The following MORC1 variants were observed in gnomAD, a reference collection of about 807,000 sequenced individuals.
The protein encoded by MORC1 is MORC family CW-type zinc finger 1.
A neutral mutation model predicts 134.9 loss-of-function variants in MORC1; 59 were observed. The ratio of observed to expected loss-of-function variants is 0.44; its 90% CI spans 0.35 to 0.54. The LOEUF (loss-of-function observed/expected upper bound fraction) is 0.54, where lower values mean the gene tolerates loss of function less well. Ranked by LOEUF, MORC1 falls within the 20% of genes least tolerant of loss-of-function variation. The probability of loss-of-function intolerance (pLI) is 0.00; values close to 1 mark genes in which losing one functional copy is unlikely to be tolerated. For synonymous variants in MORC1, 395 were observed against 391.7 expected, an observed-to-expected ratio of 1.01 and a Z score of -0.10; for missense variants, 947 against 1,134.5, an observed-to-expected ratio of 0.83 and a Z score of 2.37.
At chr3:109,013,682 T>G (rs535867324) in intron 17 of MORC1, among the ~76,000 whole-genome samples, 8 of 152,216 alleles carry the variant, frequency 5.3e-5, no homozygotes, top group Non-Finnish European at 8.8e-5. Flanking sequence ...TTGATTGCTT[T>G]GAGCAGCCCT....
Position 108,994,885 on chromosome 3 carries a change from C to G in MORC1, c.2187+5672G>C, listed in dbSNP as rs367745921. 3.6e-4 allele frequency among the ~76,000 whole-genome samples: 55 copies of G among 152,242 alleles called. No homozygotes were observed. In the South Asian group the frequency reaches 0.011, roughly 30 times the overall value. ...TTCCCAGTCACCTTTCAGAATAGAT[C>G]CCCTAGGATGTTTAGTCTGTGTGGT... On this transcript the variant is annotated intron_variant, in intron 21 of 27. Transcript: ENST00000232603.
chr3:108,982,726 T>TAAAAA (rs72358419), intron 23 of MORC1, among the ~76,000 whole-genome samples: 29 of 117,750 alleles, frequency 2.5e-4, no homozygotes, highest in South Asian at 6.0e-4. Context: ...ACTTAAAGTA[T>TAAAAA]AAAAAAAAAA....
At chr3:109,109,205 T>C (rs1385296040) in intron 3 of MORC1, among the ~76,000 whole-genome samples, 1 of 152,088 alleles carries the variant, frequency 6.6e-6, no homozygotes, top group Non-Finnish European at 1.5e-5. Context: ...CTCTGTTCTC[T>C]TATCCTGCTT....
At chr3:109,115,372 A>G (rs1951247794) in intron 1 of MORC1, among the ~76,000 whole-genome samples, 1 of 151,866 alleles carries the variant, frequency 6.6e-6, no homozygotes, top group African/African-American at 2.4e-5. Flanking sequence ...GAGAGAGAAT[A>G]TATCCCCACA....
intron 8 of MORC1, among the ~76,000 whole-genome samples, chr3:109,078,695 A>C (rs1489736801): frequency 6.6e-6 from 1 of 151,932 alleles, no homozygotes; most frequent in African/African-American, 2.4e-5. Flanking sequence ...ATGTAAAATA[A>C]AAGTAATCCC....
At chr3:109,047,952 G>C (rs11710094) in intron 14 of MORC1, among the ~76,000 whole-genome samples, 24,285 of 152,150 alleles carry the variant, frequency 0.16, 2,159 homozygotes, top group African/African-American at 0.23. Context: ...GAGACAATCA[G>C]CCTCACAATG....
At chr3:109,025,379 CTTTTTT>C (rs63701060) in intron 17 of MORC1, among the ~76,000 whole-genome samples, 17 of 105,074 alleles carry the variant, frequency 1.6e-4, no homozygotes, top group African/African-American at 2.9e-4. Context: ...TTTCTTTTTT[CTTTTTT>C]TTTTTTTTTT....
chr3:109,069,780 T>C, intron 8 of MORC1, 23 bp from the exon 9 acceptor site: 3 of 1,603,362 alleles, frequency 1.9e-6, no homozygotes, highest in Non-Finnish European at 2.6e-6. Flanking sequence ...ATACAAAATG[T>C]CACAATACAG....
At chr3:109,022,879 T>C (rs762440015) in intron 17 of MORC1, among the ~76,000 whole-genome samples, 1 of 152,200 alleles carries the variant, frequency 6.6e-6, no homozygotes, top group African/African-American at 2.4e-5. Flanking sequence ...AAAAAGCATA[T>C]AGTCTGATAT....
intron 8 of MORC1, among the ~76,000 whole-genome samples, chr3:109,087,142 A>C (rs945014643): frequency 2.0e-5 from 3 of 149,664 alleles, no homozygotes. Context: ...CTGCCCCCCA[A>C]ATTAATGCCT....
intron 14 of MORC1, among the ~76,000 whole-genome samples, chr3:109,037,382 T>C (rs750423829): frequency 7.2e-5 from 11 of 152,342 alleles, no homozygotes; most frequent in Non-Finnish European, 1.5e-4. Context: ...CCTGATGTAC[T>C]ACTCCCTGGT....
chr3:109,028,448 C>T (rs1383685112), intron 16 of MORC1, among the ~76,000 whole-genome samples: 1 of 152,152 alleles, frequency 6.6e-6, no homozygotes, highest in Non-Finnish European at 1.5e-5. Flanking sequence ...GTCCTGATGG[C>T]AGCATCCTGC....
Position 109,095,072 on chromosome 3 carries a change from T to C in MORC1, c.424-4A>G, listed in dbSNP as rs372259945. ...ATGAGGGCATTGGAACTACAACCTATTTAAAAAAAAACACATCAATTTACT... is the reference window on the plus strand; with the variant it reads ...ATGAGGGCATTGGAACTACAACCTACTTAAAAAAAAACACATCAATTTACT... On this transcript the variant is annotated splice_region_variant and splice_polypyrimidine_tract_variant and intron_variant, in intron 6 of 27. Coordinates refer to ENST00000232603, the MANE Select transcript of MORC1 (RefSeq NM_014429.4). 1.9e-6 allele frequency: 3 copies of C among 1,565,300 alleles called. No individual in the cohort carries two copies. The highest frequency in any genetic ancestry group is 1.7e-6 in the Non-Finnish European group (2 of 1,165,114).
At position 109,049,129 on chromosome 3, in the gene MORC1, G is replaced by GA. The variant is rs1949761165; in HGVS notation, c.1330+5598dup. The GA allele has an allele frequency of 3.1e-6, 3 of 983,552 alleles. No homozygotes were observed. The African/African-American group carries it at 5.3e-5, about 17-fold the overall frequency. The allele number at this position is 983,552 out of a possible 1,614,324, so 60.9% of individuals were successfully genotyped here. ...CCTTTTAATATTTGCTTCATCACTC[G>GA]ACGTGTATCCTTAGCAAAGCTGTTA... On this transcript the variant is annotated intron_variant, in intron 14 of 27. Coordinates refer to ENST00000232603, the MANE Select transcript of MORC1 (RefSeq NM_014429.4).
chr3:108,999,186 T>C (rs911276798), intron 21 of MORC1, among the ~76,000 whole-genome samples: 4 of 152,268 alleles, frequency 2.6e-5, no homozygotes, highest in African/African-American at 9.6e-5. Flanking sequence ...CTTTGGTGTT[T>C]ACTTTTTTCA....
At chr3:109,028,512 G>A (rs1559903674) in intron 16 of MORC1, among the ~76,000 whole-genome samples, 1 of 152,110 alleles carries the variant, frequency 6.6e-6, no homozygotes, top group Admixed American at 6.5e-5. Flanking sequence ...CAGATATGCT[G>A]TTCTAATAAC....
At chr3:109,115,608 C>T (rs1352674025) in intron 1 of MORC1, among the ~76,000 whole-genome samples, 1 of 152,156 alleles carries the variant, frequency 6.6e-6, no homozygotes, top group African/African-American at 2.4e-5. Flanking sequence ...ATTTAAAGTA[C>T]ATGATTCAAT....
chr3:108,963,406 T>C lies in MORC1; in HGVS notation c.2799+8A>G, dbSNP rs1483447193. The C allele has an allele frequency of 3.1e-6, 5 of 1,606,708 alleles. No homozygotes were observed. Among genetic ancestry groups the C allele is most frequent in the Non-Finnish European group, 4.2e-6 (5 of 1,177,588 alleles). Reference sequence around the variant, plus strand: ...CTCCTACTGCTCAAATACAACTTTTTCACTCACCAGTTGGAGTTTCTGCAA... The same window carrying C: ...CTCCTACTGCTCAAATACAACTTTTCCACTCACCAGTTGGAGTTTCTGCAA... On this transcript the variant is annotated splice_region_variant and intron_variant, in intron 27 of 27. Coordinates refer to ENST00000232603, the MANE Select transcript of MORC1 (RefSeq NM_014429.4).
intron 14 of MORC1, among the ~76,000 whole-genome samples, chr3:109,052,912 G>T (rs1030955708): frequency 1.3e-5 from 2 of 151,746 alleles, no homozygotes; most frequent in African/African-American, 4.8e-5. Context: ...GGAACTTAAA[G>T]AAATCAACAA....
Sources: allele counts gnomAD v4.1 joint callset (sites outside exome capture counted in the v4.1 genomes callset), GRCh38; gene constraint gnomAD v4.1.1; transcripts MANE v1.5; gene names NCBI Gene and HGNC (gene_info 2026-07-23, HGNC 2026-07-21).